SIPA1L2: variants seen among roughly 807,000 people sequenced by gnomAD.
SIPA1L2 encodes signal induced proliferation associated 1 like 2.
A neutral mutation model predicts 163.9 loss-of-function variants in SIPA1L2; 56 were observed. The observed-to-expected ratio is 0.34, with a 90% CI of 0.28 to 0.43. The LOEUF (loss-of-function observed/expected upper bound fraction) is 0.43. Ranked by LOEUF, SIPA1L2 falls within the 20% of genes least tolerant of loss-of-function variation. SIPA1L2 has a pLI of 1.00. For synonymous variants in SIPA1L2, 877 were observed against 865.7 expected (o/e 1.01, Z -0.23); for missense variants, 1,974 against 2,193.5 (o/e 0.90, Z 2.00).
intron 9 of SIPA1L2, chr1:232,462,398 T>A (rs146085947): frequency 1.4e-6 from 2 of 1,470,582 alleles, no homozygotes; most frequent in African/African-American, 2.8e-5. Flanking sequence ...ACCTATTTAA[T>A]AAGACCTATG....
chr1:232,580,088 CATGCTAAAT>C (rs1205242196), intron 1 of SIPA1L2, among the ~76,000 whole-genome samples: 1 of 152,178 alleles, frequency 6.6e-6, no homozygotes, highest in African/African-American at 2.4e-5. Context: ...TTCTTGATTA[CATGCTAAAT>C]AAGGGGTAGA....
intron 1 of SIPA1L2, among the ~76,000 whole-genome samples, chr1:232,622,956 A>G (rs1186162082): frequency 6.6e-6 from 1 of 152,234 alleles, no homozygotes; most frequent in East Asian, 1.9e-4. Flanking sequence ...TGAGCCTATT[A>G]TGTGGCAAAA....
Position 232,407,339 on chromosome 1 carries a change from A to T in SIPA1L2, c.4763-3161T>A, listed in dbSNP as rs572085068. 8.2e-4 allele frequency among the ~76,000 whole-genome samples: 125 copies of T among 152,246 alleles called. 1 individual carries two copies. The highest frequency in any genetic ancestry group is 1.8e-3 in the African/African-American group (75 of 41,556). The stretch of plus-strand genomic sequence containing the variant: ...AGTAAGTCACATTTTGTTTATACTT[A>T]TATACACACACTCTCTCATACACAC... On this transcript the variant is annotated intron_variant, in intron 19 of 22. Transcript: ENST00000674635.
intron 18 of SIPA1L2, among the ~76,000 whole-genome samples, chr1:232,420,011 G>A (rs1397656974): frequency 6.6e-6 from 1 of 152,172 alleles, no homozygotes; most frequent in Non-Finnish European, 1.5e-5. Flanking sequence ...TGGTCTGAGA[G>A]GGGTTTGGAG....
At chr1:232,502,568 TA>T (rs61018840) in intron 3 of SIPA1L2, among the ~76,000 whole-genome samples, 35 of 150,842 alleles carry the variant, frequency 2.3e-4, no homozygotes, top group Admixed American at 3.3e-4. Flanking sequence ...GCAGGTGAAT[TA>T]AAAAAAAAAT....
chr1:232,453,645 C>T (rs1663716621), intron 10 of SIPA1L2, among the ~76,000 whole-genome samples: 1 of 151,972 alleles, frequency 6.6e-6, no homozygotes, highest in Non-Finnish European at 1.5e-5. Context: ...AGAAGAAGGG[C>T]TAGAGAGGTT....
chr1:232,619,305 A>C (rs1260658127), intron 1 of SIPA1L2, among the ~76,000 whole-genome samples: 1 of 152,184 alleles, frequency 6.6e-6, no homozygotes, highest in Non-Finnish European at 1.5e-5. Context: ...AGCTAACCAC[A>C]CAGTCTTTCA....
rs1659651918 is a variant in SIPA1L2 at position 232,570,408 on chromosome 1, C to T, written c.-270+3766G>A. ...GTATGCCGTCTCCTCGGTTCTGACG[C>T]TATCACAAAATCTGTAGATTTTAAA... On this transcript the variant is annotated intron_variant, in intron 2 of 22. Coordinates refer to ENST00000674635, the MANE Select transcript of SIPA1L2 (RefSeq NM_020808.5). Among the ~76,000 whole-genome samples the T allele has an allele frequency of 3.3e-5, 5 of 152,204 alleles. No individual in the cohort carries two copies. In the South Asian group the frequency reaches 1.0e-3, roughly 31 times the overall value.
chr1:232,600,835 C>G (rs1056694352), intron 1 of SIPA1L2, among the ~76,000 whole-genome samples: 2 of 152,156 alleles, frequency 1.3e-5, no homozygotes, highest in Admixed American at 1.3e-4. Context: ...CCTCAGGGCA[C>G]ATAGGTGACA....
intron 3 of SIPA1L2, among the ~76,000 whole-genome samples, chr1:232,505,324 T>A (rs1219471543): frequency 6.6e-6 from 1 of 152,218 alleles, no homozygotes; most frequent in African/African-American, 2.4e-5. Flanking sequence ...TTAAACTAAG[T>A]TTCTACATTC....
At position 232,627,711 on chromosome 1, in the gene SIPA1L2, T is replaced by C. The variant is rs575496726; in HGVS notation, c.-319+2158A>G. ...TAAAAAGCATCTAATGAAAAACATA[T>C]ACTTAAAGCAACTGGGTAAAATCTG... On this transcript the variant is annotated intron_variant, in intron 1 of 22. Transcript: ENST00000674635. Among the ~76,000 whole-genome samples, 269 of 152,284 alleles carry C rather than the reference T, an allele frequency of 1.8e-3. 1 individual carries two copies. The highest frequency in any genetic ancestry group is 2.7e-3 in the Non-Finnish European group (184 of 68,020).
chr1:232,558,632 CCAAA>C (rs1023532442), intron 2 of SIPA1L2, among the ~76,000 whole-genome samples: 3 of 152,124 alleles, frequency 2.0e-5, no homozygotes, highest in Non-Finnish European at 4.4e-5. Context: ...CAGTGCACCC[CCAAA>C]CAAATTTTTT....
At chr1:232,461,396 A>T (rs1390518571) in intron 9 of SIPA1L2, among the ~76,000 whole-genome samples, 1 of 152,264 alleles carries the variant, frequency 6.6e-6, no homozygotes, top group African/African-American at 2.4e-5. Context: ...AACAGAAGCA[A>T]AGCAATGGTT....
chr1:232,415,465 G>A, intron 19 of SIPA1L2, 29 bp downstream of exon 19: 2 of 1,586,778 alleles, frequency 1.3e-6, no homozygotes, highest in African/African-American at 1.4e-5. Context: ...CAGGGTAAGG[G>A]GTGAGGCCAG....
chr1:232,410,783 G>A (rs1022953520), intron 19 of SIPA1L2, among the ~76,000 whole-genome samples: 2 of 151,892 alleles, frequency 1.3e-5, no homozygotes, highest in African/African-American at 2.4e-5. Flanking sequence ...GCTACTTGAC[G>A]TTCCTTAGTA....
intron 1 of SIPA1L2, among the ~76,000 whole-genome samples, chr1:232,626,049 T>C (rs953928705): frequency 1.3e-5 from 2 of 152,116 alleles, no homozygotes. Flanking sequence ...TAGGAAGAAC[T>C]CTCCTTTAAG....
At chr1:232,626,862 A>T (rs1442936891) in intron 1 of SIPA1L2, among the ~76,000 whole-genome samples, 1 of 152,236 alleles carries the variant, frequency 6.6e-6, no homozygotes, top group Admixed American at 6.5e-5. Flanking sequence ...TCATGAAAAT[A>T]GTTTCATCCA....
intron 8 of SIPA1L2, among the ~76,000 whole-genome samples, chr1:232,470,278 T>C (rs1369486912): frequency 6.6e-6 from 1 of 152,182 alleles, no homozygotes; most frequent in East Asian, 1.9e-4. Context: ...TAAGAATGAC[T>C]ATGGAGGGAA....
At chr1:232,482,970 T>G (rs897927485) in intron 6 of SIPA1L2, among the ~76,000 whole-genome samples, 2 of 152,238 alleles carry the variant, frequency 1.3e-5, no homozygotes, top group African/African-American at 4.8e-5. Flanking sequence ...ACTTAGTTGT[T>G]TGATAATAAG....
Sources: allele counts gnomAD v4.1 joint callset (sites outside exome capture counted in the v4.1 genomes callset), GRCh38; gene constraint gnomAD v4.1.1; transcripts MANE v1.5; gene names NCBI Gene and HGNC (gene_info 2026-07-23, HGNC 2026-07-21).